The following TXNDC16 variants were observed in gnomAD, a reference collection of about 807,000 sequenced individuals.
The protein encoded by TXNDC16 is thioredoxin domain containing 16.
In TXNDC16, 74 loss-of-function variants were observed where a neutral mutation model predicts 85.6. The observed-to-expected ratio is 0.86, with a 90% CI of 0.72 to 1.05. The LOEUF is 1.05. Ranked by LOEUF, TXNDC16 falls within the 50% of genes least tolerant of loss-of-function variation. TXNDC16 has a pLI of 0.00. For synonymous variants in TXNDC16, 335 were observed against 326.5 expected, an observed-to-expected ratio of 1.03 and a Z score of -0.28; for missense variants, 959 against 947.0, an observed-to-expected ratio of 1.01 and a Z score of -0.17.
chr14:52,528,845 A>ATG (rs1039656469), intron 6 of TXNDC16, among the ~76,000 whole-genome samples: 31 of 146,076 alleles, frequency 2.1e-4, no homozygotes, highest in East Asian at 1.8e-3. Context: ...ATATATATAT[A>ATG]TGTGTGTGTG....
At chr14:52,472,900 G>C (rs1473096787) in intron 14 of TXNDC16, among the ~76,000 whole-genome samples, 1 of 152,272 alleles carries the variant, frequency 6.6e-6, no homozygotes, top group Non-Finnish European at 1.5e-5. Flanking sequence ...AGGAACTAAG[G>C]ACTAGACGTT....
At chr14:52,525,457 CG>C (rs1566577942) in intron 6 of TXNDC16, among the ~76,000 whole-genome samples, 1 of 150,414 alleles carries the variant, frequency 6.6e-6, no homozygotes, top group Non-Finnish European at 1.5e-5. Context: ...TTTAGGAGGC[CG>C]AGGTGGGCGG....
At chr14:52,500,836 G>T (rs2036641290) in intron 9 of TXNDC16, among the ~76,000 whole-genome samples, 1 of 152,046 alleles carries the variant, frequency 6.6e-6, no homozygotes, top group Non-Finnish European at 1.5e-5. Flanking sequence ...AAAAATTTCA[G>T]AAATTATTAA....
intron 13 of TXNDC16, 75 bp downstream of exon 13, chr14:52,482,747 C>T: frequency 7.2e-7 from 1 of 1,397,880 alleles, no homozygotes; most frequent in Non-Finnish European, 9.5e-7. Flanking sequence ...ACATGCAATA[C>T]ATGGAATGCC....
chr14:52,537,398 A>G (rs1016628173), intron 5 of TXNDC16, among the ~76,000 whole-genome samples: 1 of 152,184 alleles, frequency 6.6e-6, no homozygotes, highest in African/African-American at 2.4e-5. Flanking sequence ...CTTGTGATGT[A>G]GGTATTACTC....
chr14:52,551,759 T>C (rs117460591), intron 1 of TXNDC16, among the ~76,000 whole-genome samples: 8,374 of 151,066 alleles, frequency 0.055, 264 homozygotes, highest in Middle Eastern at 0.071. Context: ...GTATTTTCTC[T>C]CTCAGGCCCA....
chr14:52,515,739 G>A (rs1378592920), intron 7 of TXNDC16, among the ~76,000 whole-genome samples: 1 of 150,380 alleles, frequency 6.6e-6, no homozygotes, highest in Non-Finnish European at 1.5e-5. Flanking sequence ...TATATAATAA[G>A]AGTTTTAGTA....
At chr14:52,481,299 A>C (rs1035032545) in intron 14 of TXNDC16, among the ~76,000 whole-genome samples, 1 of 151,910 alleles carries the variant, frequency 6.6e-6, no homozygotes, top group Non-Finnish European at 1.5e-5. Context: ...ACCACCAAAG[A>C]ATTTACTCAT....
Position 52,482,228 on chromosome 14 carries a change from A to G in TXNDC16, c.1312+2T>C, listed in dbSNP as rs766085271. 1 of 1,611,472 alleles carries G rather than the reference A, an allele frequency of 6.2e-7. No individual in the cohort carries two copies. Among genetic ancestry groups the G allele is most frequent in the Non-Finnish European group, 8.5e-7 (1 of 1,178,536 alleles). On this transcript the variant is annotated splice_donor_variant, in intron 14 of 20. Coordinates refer to ENST00000281741, the MANE Select transcript of TXNDC16 (RefSeq NM_020784.3). LOFTEE classifies it high-confidence loss of function. ...ATAAGCATGCATAGCACAGTACACTACCTTTCAGTTTAACTGCCACATCAA... is the reference window on the plus strand; with the variant it reads ...ATAAGCATGCATAGCACAGTACACTGCCTTTCAGTTTAACTGCCACATCAA...
intron 16 of TXNDC16, among the ~76,000 whole-genome samples, chr14:52,461,235 T>C (rs552000896): frequency 1.3e-5 from 2 of 152,004 alleles, no homozygotes; most frequent in South Asian, 4.2e-4. Flanking sequence ...TGACTCTTAG[T>C]AACCCAAATT....
intron 9 of TXNDC16, among the ~76,000 whole-genome samples, chr14:52,500,501 A>G (rs888841440): frequency 6.6e-6 from 1 of 152,226 alleles, no homozygotes; most frequent in Non-Finnish European, 1.5e-5. Context: ...ATAGAGTTTC[A>G]GTCGTGCAAT....
intron 6 of TXNDC16, among the ~76,000 whole-genome samples, chr14:52,520,925 G>T (rs1280150976): frequency 1.3e-5 from 2 of 151,710 alleles, no homozygotes; most frequent in Non-Finnish European, 2.9e-5. Context: ...AATTTATTGA[G>T]GTCCTCAAGG....
intron 9 of TXNDC16, among the ~76,000 whole-genome samples, chr14:52,510,432 T>C (rs966757654): frequency 6.6e-6 from 1 of 152,210 alleles, no homozygotes; most frequent in Non-Finnish European, 1.5e-5. Context: ...TAAACTCAAA[T>C]AACATTAGAT....
intron 6 of TXNDC16, among the ~76,000 whole-genome samples, chr14:52,535,800 C>T (rs924236121): frequency 1.3e-5 from 2 of 152,042 alleles, no homozygotes; most frequent in African/African-American, 2.4e-5. Context: ...TGAGCAAGCC[C>T]AGAGCTAGAG....
At chr14:52,528,898 TTATA>T (rs879745822) in intron 6 of TXNDC16, among the ~76,000 whole-genome samples, 2 of 147,546 alleles carry the variant, frequency 1.4e-5, no homozygotes, top group African/African-American at 4.9e-5. Context: ...ATAATACCTA[TTATA>T]TATATTATCT....
intron 5 of TXNDC16, 27 bp downstream of exon 5, chr14:52,537,572 T>C: frequency 1.4e-6 from 2 of 1,465,324 alleles, no homozygotes; most frequent in Non-Finnish European, 1.9e-6. Flanking sequence ...TTTGTATTTG[T>C]CCAGCACACT....
chr14:52,445,680 T>C (rs1181110949), intron 18 of TXNDC16, among the ~76,000 whole-genome samples: 6 of 152,218 alleles, frequency 3.9e-5, no homozygotes, highest in Admixed American at 3.9e-4. Context: ...ATGTTTTTAC[T>C]GTACCTTTTC....
At position 52,543,511 on chromosome 14, in the gene TXNDC16, A is replaced by G; in HGVS notation, c.47T>C (p.Ile16Thr). 1 of 1,613,718 alleles carries G rather than the reference A, an allele frequency of 6.2e-7. No homozygotes were observed. The highest frequency in any genetic ancestry group is 1.7e-5 in the Admixed American group (1 of 59,994). ...TGTTGGCATGTAAAAAATGCACATTATGACAAAAGAGATCCCAACTCTAAA... is the reference window on the plus strand; with the variant it reads ...TGTTGGCATGTAAAAAATGCACATTGTGACAAAAGAGATCCCAACTCTAAA... ...NVFRVGISFV[I>T]MCIFYMPTVN... Residue 16 changes from isoleucine (I) to threonine (T), a missense_variant, in exon 3 of 21, where the codon ATA (isoleucine) becomes ACA (threonine). Physicochemically the swap from Ile to Thr is moderately conservative, Grantham distance 89. Transcript: ENST00000281741.
At chr14:52,536,066 C>T (rs1413829881) in intron 6 of TXNDC16, among the ~76,000 whole-genome samples, 3 of 151,878 alleles carry the variant, frequency 2.0e-5, no homozygotes, top group Non-Finnish European at 2.9e-5. Flanking sequence ...GATGAGCTTC[C>T]TACCTGGTAC....
Sources: allele counts gnomAD v4.1 joint callset (sites outside exome capture counted in the v4.1 genomes callset), GRCh38; gene constraint gnomAD v4.1.1; transcripts MANE v1.5; gene names NCBI Gene and HGNC (gene_info 2026-07-23, HGNC 2026-07-21).